The following FBXL2 variants were observed in gnomAD, a reference collection of about 807,000 sequenced individuals.
FBXL2 encodes the protein F-box/LRR-repeat protein 2.
In FBXL2, 38 loss-of-function variants were observed where a neutral mutation model predicts 69.2. The observed-to-expected ratio is 0.55, with a 90% CI of 0.42 to 0.72. The LOEUF (loss-of-function observed/expected upper bound fraction) is 0.72, where lower values mean the gene tolerates loss of function less well. Ranked by LOEUF, FBXL2 falls within the 30% of genes least tolerant of loss-of-function variation. The pLI is 0.00. For missense variants in FBXL2, 354 were observed against 520.3 expected (o/e 0.68, Z 3.11); for synonymous variants, 192 against 201.3 (o/e 0.95, Z 0.39).
chr3:33,329,425 C>T (rs996341900), intron 2 of FBXL2, among the ~76,000 whole-genome samples: 27 of 151,798 alleles, frequency 1.8e-4, no homozygotes, highest in African/African-American at 4.1e-4. Flanking sequence ...GATATATATC[C>T]GAAAGAAAGA....
At chr3:33,359,249 C>A in intron 3 of FBXL2, 34 bp from the exon 4 acceptor site, 5 of 1,565,990 alleles carry the variant, frequency 3.2e-6, no homozygotes, top group Non-Finnish European at 4.4e-6. Flanking sequence ...TTTCTTTCAT[C>A]CCAATCCCTC....
Position 33,286,241 on chromosome 3 carries a change from A to C in FBXL2, c.3+8726A>C, listed in dbSNP as rs553456743. 7.9e-5 allele frequency among the ~76,000 whole-genome samples: 12 copies of C among 152,204 alleles called. 1 individual carries two copies. Among genetic ancestry groups the C allele is most frequent in the African/African-American group, 2.4e-4 (10 of 41,534 alleles). On this transcript the variant is annotated intron_variant, in intron 1 of 14. Coordinates refer to ENST00000484457, the MANE Select transcript of FBXL2 (RefSeq NM_012157.5). Reference sequence around the variant, plus strand: ...GGTGTGGATGTCCTTTCTGTTTGTTAGTTTTCCTTCTAACAGTCAGGACCC... The same window carrying C: ...GGTGTGGATGTCCTTTCTGTTTGTTCGTTTTCCTTCTAACAGTCAGGACCC...
chr3:33,358,599 A>G (rs1336753063), intron 2 of FBXL2, among the ~76,000 whole-genome samples: 2 of 152,190 alleles, frequency 1.3e-5, no homozygotes, highest in Non-Finnish European at 2.9e-5. Flanking sequence ...TGACAGTGTT[A>G]TTTGAGGCTC....
intron 2 of FBXL2, among the ~76,000 whole-genome samples, chr3:33,326,589 C>A (rs2038715657): frequency 2.0e-5 from 3 of 151,610 alleles, no homozygotes; most frequent in Admixed American, 2.0e-4. Context: ...TAAACTAATA[C>A]AGTGAAACCT....
chr3:33,324,842 A>T (rs1012565154), intron 2 of FBXL2, among the ~76,000 whole-genome samples: 2 of 152,164 alleles, frequency 1.3e-5, no homozygotes, highest in Non-Finnish European at 2.9e-5. Flanking sequence ...CTATGAAGAA[A>T]GTCAGTGGTG....
At chr3:33,384,717 CAT>C (rs753439107) in intron 14 of FBXL2, among the ~76,000 whole-genome samples, 48 of 152,142 alleles carry the variant, frequency 3.2e-4, no homozygotes, top group East Asian at 1.4e-3. Context: ...GGAGATTCCA[CAT>C]AGTCTGGTGA....
chr3:33,302,309 T>C (rs1009684367), intron 2 of FBXL2, among the ~76,000 whole-genome samples: 1 of 152,194 alleles, frequency 6.6e-6, no homozygotes, highest in Admixed American at 6.5e-5. Flanking sequence ...CAATTACTGT[T>C]GCTTAAGCAA....
chr3:33,314,901 A>T (rs1395661435), intron 2 of FBXL2, among the ~76,000 whole-genome samples: 5 of 152,192 alleles, frequency 3.3e-5, no homozygotes, highest in East Asian at 1.9e-4. Context: ...ATTTTTAAAA[A>T]ATGTCTGCCA....
intron 1 of FBXL2, among the ~76,000 whole-genome samples, chr3:33,284,545 G>A (rs551858654): frequency 6.6e-6 from 1 of 152,316 alleles, no homozygotes; most frequent in South Asian, 2.1e-4. Context: ...GGAGAGTTCT[G>A]TAGATGTCTA....
chr3:33,420,304 A>C, the FBXL2 span, among the ~76,000 whole-genome samples: 57,536 of 151,914 alleles, frequency 0.38, 11,848 homozygotes, highest in East Asian at 0.6. Flanking sequence ...GTTTCTAGGG[A>C]CTTATAGCTG....
chr3:33,378,976 T>G (rs1372193267), intron 13 of FBXL2: 8 of 750,134 alleles, frequency 1.1e-5, no homozygotes, highest in African/African-American at 1.8e-5. Flanking sequence ...ATGGTTTTGT[T>G]GGGGAACTCT....
Position 33,373,644 on chromosome 3 carries a change from C to T in FBXL2, c.522C>T (p.Ile174=), listed in dbSNP as rs762659967. 1.4e-5 allele frequency: 23 copies of T among 1,614,020 alleles called. No individual in the cohort carries two copies. Among genetic ancestry groups the T allele is most frequent in the South Asian group, 8.8e-5 (8 of 91,080 alleles). Residue 174 remains isoleucine, a synonymous_variant, in exon 8 of 15, where the codon ATC becomes ATT. Transcript: ENST00000484457. ...GTGATCAGATCACGAAGGATGGCAT[C>T]GAGGCACTGGTGCGAGGTTGTCGAG... ...SWCDQITKDG[I]EALVRGCRGL...
At chr3:33,402,676 T>C (rs2044273260) in intron 12 of FBXL2, 2 of 616,472 alleles carry the variant, frequency 3.2e-6, no homozygotes, top group Non-Finnish European at 5.1e-6. Context: ...AGATACAGGA[T>C]ACTTCCCCTT....
At chr3:33,343,415 T>C (rs1175907350) in intron 2 of FBXL2, among the ~76,000 whole-genome samples, 1 of 152,014 alleles carries the variant, frequency 6.6e-6, no homozygotes, top group East Asian at 1.9e-4. Flanking sequence ...TCTCCAAATT[T>C]AGATTAATAA....
the FBXL2 span, among the ~76,000 whole-genome samples, chr3:33,421,099 G>A: frequency 6.6e-6 from 1 of 152,174 alleles, no homozygotes; most frequent in Non-Finnish European, 1.5e-5. Flanking sequence ...CACAGGCTCA[G>A]CCCCCAGCTG....
At position 33,287,444 on chromosome 3, in the gene FBXL2, C is replaced by T. The variant is rs577556270; in HGVS notation, c.3+9929C>T. 2.0e-5 allele frequency among the ~76,000 whole-genome samples: 3 copies of T among 152,104 alleles called. No individual in the cohort carries two copies. The East Asian group carries it at 5.8e-4, about 29-fold the overall frequency. On this transcript the variant is annotated intron_variant, in intron 1 of 14. Transcript: ENST00000484457. ...TTATTTTACTCAATTCTTCAATGTC[C>T]CTAAGAAATTGGCATTTGTTATTTA... is the stretch of plus-strand genomic sequence containing the variant.
At chr3:33,367,171 C>T (rs1419695421) in intron 5 of FBXL2, among the ~76,000 whole-genome samples, 1 of 151,836 alleles carries the variant, frequency 6.6e-6, no homozygotes, top group African/African-American at 2.4e-5. Flanking sequence ...TCTTGGCTCA[C>T]TGCAACCTCA....
At chr3:33,394,191 T>TTTATTATTATTG (rs2043875731) in intron 12 of FBXL2, among the ~76,000 whole-genome samples, 1 of 143,428 alleles carries the variant, frequency 7.0e-6, no homozygotes, top group Non-Finnish European at 1.5e-5. Flanking sequence ...CTGGCTAATT[T>TTTATTATTATTG]TTATTATTAT....
intron 1 of FBXL2, among the ~76,000 whole-genome samples, chr3:33,286,533 C>T (rs778285632): frequency 1.1e-4 from 16 of 152,202 alleles, no homozygotes; most frequent in Non-Finnish European, 1.3e-4. Flanking sequence ...TCTCCAACTC[C>T]GTGCTCAGAG....
Sources: allele counts gnomAD v4.1 joint callset (sites outside exome capture counted in the v4.1 genomes callset), GRCh38; gene constraint gnomAD v4.1.1; transcripts MANE v1.5; gene names NCBI Gene and HGNC (gene_info 2026-07-23, HGNC 2026-07-21).